The following CCDC30 variants were observed in gnomAD, a reference collection of about 807,000 sequenced individuals.
The protein encoded by CCDC30 is coiled-coil domain containing 30.
Under a neutral mutation model 100.2 loss-of-function variants are expected in CCDC30, and 70 were observed. The observed-to-expected ratio is 0.70, with a 90% CI of 0.58 to 0.85. CCDC30 has a LOEUF of 0.85. CCDC30 is among the 40% of genes least tolerant of loss of function. The probability of loss-of-function intolerance (pLI) is 0.00; values close to 1 mark genes in which losing one functional copy is unlikely to be tolerated. For missense variants in CCDC30, 652 were observed against 771.2 expected, an observed-to-expected ratio of 0.85 and a Z score of 1.83; for synonymous variants, 233 against 269.5, an observed-to-expected ratio of 0.86 and a Z score of 1.33.
At chr1:42,527,608 G>C (rs538475627) in intron 6 of CCDC30, among the ~76,000 whole-genome samples, 1 of 152,254 alleles carries the variant, frequency 6.6e-6, no homozygotes, top group Admixed American at 6.5e-5. Context: ...AATTACTGAA[G>C]GAAACTATTG....
At chr1:42,642,671 A>G in intron 13 of CCDC30, 62 bp downstream of exon 17, 2 of 1,405,740 alleles carry the variant, frequency 1.4e-6, no homozygotes, top group Non-Finnish European at 9.4e-7. Context: ...CCCTCAACAA[A>G]GAGATGGTTC....
intron 11 of CCDC30, among the ~76,000 whole-genome samples, chr1:42,625,254 T>G (rs535530778): frequency 3.3e-5 from 5 of 152,288 alleles, no homozygotes; most frequent in South Asian, 2.1e-4. Flanking sequence ...CTGATTTTAT[T>G]TATTTGGATC....
intron 6 of CCDC30, among the ~76,000 whole-genome samples, chr1:42,536,113 C>G (rs1281654064): frequency 6.6e-6 from 1 of 151,960 alleles, no homozygotes; most frequent in African/African-American, 2.4e-5. Flanking sequence ...TGTGGTAAGT[C>G]CTCAATATAA....
chr1:42,485,872 G>A (rs746282732), intron 3 of CCDC30, among the ~76,000 whole-genome samples: 6 of 152,000 alleles, frequency 3.9e-5, no homozygotes, highest in East Asian at 1.9e-4. Flanking sequence ...ATTATTTGTC[G>A]ATTAAGAAGA....
intron 3 of CCDC30, among the ~76,000 whole-genome samples, chr1:42,487,715 G>A (rs1178894287): frequency 6.6e-6 from 1 of 152,186 alleles, no homozygotes; most frequent in Non-Finnish European, 1.5e-5. Flanking sequence ...GCCTCCAAGA[G>A]CCAAGAGAGA....
intron 7 of CCDC30, among the ~76,000 whole-genome samples, chr1:42,569,370 GA>G (rs1645682108): frequency 1.3e-5 from 2 of 152,052 alleles, no homozygotes; most frequent in African/African-American, 2.4e-5. Context: ...GCAAACATAT[GA>G]AAAAAAGCTC....
At chr1:42,508,636 G>T (rs1644430902) in intron 6 of CCDC30, among the ~76,000 whole-genome samples, 1 of 152,072 alleles carries the variant, frequency 6.6e-6, no homozygotes, top group Admixed American at 6.5e-5. Context: ...AATTCCTGGG[G>T]TTTCATGAGG....
At chr1:42,634,849 C>G (rs1647117855) in intron 11 of CCDC30, among the ~76,000 whole-genome samples, 1 of 152,176 alleles carries the variant, frequency 6.6e-6, no homozygotes, top group African/African-American at 2.4e-5. Context: ...ACTCTATCCC[C>G]AGTTCCCTTC....
chr1:42,468,648 C>T (rs926061061), intron 1 of CCDC30: 2 of 152,220 alleles, frequency 1.3e-5, no homozygotes, highest in African/African-American at 4.8e-5. Context: ...TGTTTCTTGC[C>T]ACTTCTTCTA....
intron 10 of CCDC30, among the ~76,000 whole-genome samples, chr1:42,598,550 A>G (rs1203188298): frequency 6.6e-6 from 1 of 152,172 alleles, no homozygotes; most frequent in Non-Finnish European, 1.5e-5. Context: ...TTAAAATTAC[A>G]AAAGGCAGAA....
At chr1:42,513,637 G>T (rs1022465614) in intron 6 of CCDC30, among the ~76,000 whole-genome samples, 1 of 152,136 alleles carries the variant, frequency 6.6e-6, no homozygotes, top group Non-Finnish European at 1.5e-5. Context: ...AAAAGAAAAT[G>T]ATTTTGGGGG....
At chr1:42,621,193 G>A (rs1250599671) in intron 11 of CCDC30, among the ~76,000 whole-genome samples, 1 of 152,150 alleles carries the variant, frequency 6.6e-6, no homozygotes, top group Non-Finnish European at 1.5e-5. Context: ...TATTTATGCA[G>A]TACATGAGAT....
intron 3 of CCDC30, among the ~76,000 whole-genome samples, chr1:42,488,867 A>G (rs1644092453): frequency 6.6e-6 from 1 of 152,220 alleles, no homozygotes; most frequent in Admixed American, 6.5e-5. Flanking sequence ...GAGCTCTCTT[A>G]TGTAGCAAAT....
intron 6 of CCDC30, among the ~76,000 whole-genome samples, chr1:42,555,603 C>T (rs1460216714): frequency 1.3e-5 from 2 of 152,164 alleles, no homozygotes; most frequent in Non-Finnish European, 2.9e-5. Context: ...CTCATTTAAA[C>T]TGGCAGTTTG....
chr1:42,501,745 C>T (rs887292852), intron 6 of CCDC30, among the ~76,000 whole-genome samples: 1 of 152,176 alleles, frequency 6.6e-6, no homozygotes, highest in Non-Finnish European at 1.5e-5. Flanking sequence ...GTCTGGGTAT[C>T]ACCAGCAGAG....
chr1:42,650,855 T>C (rs964761227), intron 15 of CCDC30, among the ~76,000 whole-genome samples: 3 of 152,110 alleles, frequency 2.0e-5, no homozygotes, highest in African/African-American at 7.2e-5. Flanking sequence ...CTCAAACTCC[T>C]GGGCTTAAGC....
chr1:42,581,647 C>A, intron 9 of CCDC30, 133 bp downstream of exon 13: 2 of 730,256 alleles, frequency 2.7e-6, no homozygotes, highest in Admixed American at 3.2e-5. Context: ...CAGCCACACA[C>A]AATTCCTGAT....
At chr1:42,517,877 T>C (rs576980685) in intron 6 of CCDC30, among the ~76,000 whole-genome samples, 1 of 152,336 alleles carries the variant, frequency 6.6e-6, no homozygotes, top group South Asian at 2.1e-4. Flanking sequence ...ACTGCAGCTT[T>C]GTAGTAAGTT....
At chr1:42,555,235 C>A (rs1645344488) in intron 6 of CCDC30, among the ~76,000 whole-genome samples, 1 of 152,182 alleles carries the variant, frequency 6.6e-6, no homozygotes, top group Admixed American at 6.5e-5. Context: ...CGGGGTTTTA[C>A]ATATCTTATT....
Sources: allele counts gnomAD v4.1 joint callset (sites outside exome capture counted in the v4.1 genomes callset), GRCh38; gene constraint gnomAD v4.1.1; transcripts MANE v1.5; gene names NCBI Gene and HGNC (gene_info 2026-07-23, HGNC 2026-07-21).